Variants in EPC2 observed in about 807,000 individuals in gnomAD.
EPC2 encodes enhancer of polycomb 2.
A neutral mutation model predicts 92.1 loss-of-function variants in EPC2; 14 were observed. The observed-to-expected ratio is 0.15, with a 90% confidence interval of 0.10 to 0.24. The LOEUF is 0.24. EPC2 is among the 10% of genes least tolerant of loss of function. The pLI, the probability that EPC2 is intolerant of heterozygous loss-of-function variation, is 1.00. For synonymous variants in EPC2, 340 were observed against 334.7 expected (o/e 1.02, Z -0.17); for missense variants, 755 against 971.5 (o/e 0.78, Z 2.96).
At chr2:148,764,122 A>G (rs1239362414) in intron 6 of EPC2, among the ~76,000 whole-genome samples, 1 of 152,188 alleles carries the variant, frequency 6.6e-6, no homozygotes, top group African/African-American at 2.4e-5. Context: ...TTTATATCTC[A>G]CTAAATATAA....
chr2:148,746,243 AT>A (rs1329634347), intron 3 of EPC2, among the ~76,000 whole-genome samples: 3 of 151,796 alleles, frequency 2.0e-5, no homozygotes, highest in Admixed American at 6.6e-5. Context: ...AAACTCCAGG[AT>A]TTTTTTCCCC....
intron 1 of EPC2, among the ~76,000 whole-genome samples, chr2:148,687,984 A>G (rs1324735282): frequency 6.6e-6 from 1 of 152,140 alleles, no homozygotes; most frequent in African/African-American, 2.4e-5. Context: ...GTTTAATTTT[A>G]TTTATGTCTT....
At chr2:148,684,711 C>G (rs1681478855) in intron 1 of EPC2, among the ~76,000 whole-genome samples, 1 of 152,202 alleles carries the variant, frequency 6.6e-6, no homozygotes, top group Non-Finnish European at 1.5e-5. Context: ...CAGTGAACCC[C>G]TATGCCTACT....
At chr2:148,657,875 T>G (rs1464261826) in intron 1 of EPC2, among the ~76,000 whole-genome samples, 1 of 146,946 alleles carries the variant, frequency 6.8e-6, no homozygotes, top group Non-Finnish European at 1.5e-5. Context: ...TTTTTGACTA[T>G]CACTCATTTT....
At chr2:148,660,366 T>C (rs987565990) in intron 1 of EPC2, among the ~76,000 whole-genome samples, 5 of 152,224 alleles carry the variant, frequency 3.3e-5, no homozygotes, top group African/African-American at 1.2e-4. Flanking sequence ...TTGTATTGGG[T>C]CACTGGTCTA....
intron 1 of EPC2, among the ~76,000 whole-genome samples, chr2:148,661,467 G>A (rs922089744): frequency 3.3e-5 from 5 of 152,080 alleles, no homozygotes; most frequent in Admixed American, 3.3e-4. Context: ...AATAGAGATA[G>A]TTCACCTCTC....
intron 2 of EPC2, among the ~76,000 whole-genome samples, chr2:148,726,707 G>A (rs1386253004): frequency 1.4e-5 from 2 of 142,688 alleles, no homozygotes; most frequent in Non-Finnish European, 3.0e-5. Context: ...TAGATCCTTT[G>A]CCCATTTAAA....
intron 2 of EPC2, among the ~76,000 whole-genome samples, chr2:148,712,853 A>C (rs1682177405): frequency 6.6e-6 from 1 of 152,106 alleles, no homozygotes; most frequent in Non-Finnish European, 1.5e-5. Flanking sequence ...ACTGCACTCC[A>C]CTCTGGGCAA....
chr2:148,672,239 CTT>C (rs1469114988), intron 1 of EPC2, among the ~76,000 whole-genome samples: 3 of 152,120 alleles, frequency 2.0e-5, no homozygotes, highest in Admixed American at 1.3e-4. Context: ...ACTAAAGTCT[CTT>C]TTGTCTGATA....
At chr2:148,659,899 C>T (rs1680898364) in intron 1 of EPC2, among the ~76,000 whole-genome samples, 1 of 152,080 alleles carries the variant, frequency 6.6e-6, no homozygotes, top group African/African-American at 2.4e-5. Context: ...GGTACTCAGC[C>T]ACCTAAGCAT....
At chr2:148,747,397 T>C (rs1574620115) in intron 3 of EPC2, among the ~76,000 whole-genome samples, 1 of 152,094 alleles carries the variant, frequency 6.6e-6, no homozygotes, top group East Asian at 1.9e-4. Context: ...TTTTCACTTA[T>C]CTCCTCTCTC....
chr2:148,649,165 T>C (rs887917862), intron 1 of EPC2, among the ~76,000 whole-genome samples: 4 of 152,266 alleles, frequency 2.6e-5, no homozygotes, highest in African/African-American at 9.6e-5. Context: ...GCTTTACATA[T>C]ATTATTTCAT....
chr2:148,756,529 ATATT>A (rs1465373913), intron 4 of EPC2, among the ~76,000 whole-genome samples: 1 of 152,216 alleles, frequency 6.6e-6, no homozygotes, highest in Admixed American at 6.5e-5. Flanking sequence ...GTCTTCTGAA[ATATT>A]TGTTTGGCTG....
chr2:148,649,530 T>G (rs1480149038), intron 1 of EPC2, among the ~76,000 whole-genome samples: 5 of 152,280 alleles, frequency 3.3e-5, no homozygotes, highest in Non-Finnish European at 7.3e-5. Context: ...TATTGCTGAG[T>G]AGTATTCCAG....
In EPC2 at chr2:148,743,772, T is replaced by G; in HGVS notation, c.459+5T>G. ...GAAAAAGCCAGTTCTAATCAGGTAC[T>G]GTACCATGTAAAGATGTCTCTTATC... On this transcript the variant is annotated splice_donor_5th_base_variant and intron_variant, in intron 3 of 13. Coordinates refer to ENST00000258484, the MANE Select transcript of EPC2 (RefSeq NM_015630.4). The G allele has an allele frequency of 6.5e-7, 1 of 1,545,510 alleles. No individual in the cohort carries two copies.
intron 1 of EPC2, among the ~76,000 whole-genome samples, chr2:148,688,432 C>T (rs751703573): frequency 3.3e-5 from 5 of 151,758 alleles, no homozygotes; most frequent in Admixed American, 1.3e-4. Context: ...GGAGGGGGGA[C>T]GGATAGCATT....
chr2:148,676,444 T>C (rs745402712), intron 1 of EPC2, among the ~76,000 whole-genome samples: 7 of 152,194 alleles, frequency 4.6e-5, no homozygotes, highest in Non-Finnish European at 8.8e-5. Context: ...TAAAAAACTT[T>C]ATTTTATAAC....
At chr2:148,698,011 A>G (rs1423077043) in intron 2 of EPC2, among the ~76,000 whole-genome samples, 4 of 152,162 alleles carry the variant, frequency 2.6e-5, no homozygotes, top group Non-Finnish European at 4.4e-5. Context: ...ACCTCAGTCA[A>G]GTGGGCTTTA....
chr2:148,785,223 GAGT>G (rs1683841375), intron 13 of EPC2, among the ~76,000 whole-genome samples: 1 of 152,216 alleles, frequency 6.6e-6, no homozygotes, highest in South Asian at 2.1e-4. Context: ...GAGAAAGACA[GAGT>G]AGTAGTAGAG....
Sources: allele counts gnomAD v4.1 joint callset (sites outside exome capture counted in the v4.1 genomes callset), GRCh38; gene constraint gnomAD v4.1.1; transcripts MANE v1.5; gene names NCBI Gene and HGNC (gene_info 2026-07-23, HGNC 2026-07-21).